Variants in STMND1 observed in about 807,000 individuals in gnomAD.
STMND1 encodes stathmin domain containing 1, also known as stathmin domain-containing protein 1.
STMND1 carries 17 observed loss-of-function variants against 23.0 expected under a neutral mutation model. The observed-to-expected ratio is 0.74, with a 90% CI of 0.51 to 1.11. The LOEUF (loss-of-function observed/expected upper bound fraction) is 1.11, where lower values mean the gene tolerates loss of function less well. Among genes scored for constraint, STMND1 ranks in the 50% least tolerant of loss-of-function variants. The pLI is 0.00. For missense variants in STMND1, 305 were observed against 329.1 expected, an observed-to-expected ratio of 0.93 and a Z score of 0.57; for synonymous variants, 114 against 119.9, an observed-to-expected ratio of 0.95 and a Z score of 0.32.
At chr6:17,115,841 T>C (rs962193852) in intron 2 of STMND1, among the ~76,000 whole-genome samples, 5 of 152,204 alleles carry the variant, frequency 3.3e-5, no homozygotes, top group African/African-American at 4.8e-5. Flanking sequence ...AGGTACAAGT[T>C]GGGATTGGAA....
At chr6:17,114,590 G>T (rs139070283) in intron 1 of STMND1, among the ~76,000 whole-genome samples, 2 of 152,164 alleles carry the variant, frequency 1.3e-5, no homozygotes, top group Non-Finnish European at 2.9e-5. Flanking sequence ...CAAGGAGTAC[G>T]CAACCTAGAT....
intron 1 of STMND1, 62 bp downstream of exon 1, chr6:17,102,400 T>G (rs1760954619): frequency 6.5e-7 from 1 of 1,526,954 alleles, no homozygotes; most frequent in Non-Finnish European, 8.8e-7. Flanking sequence ...CTGGGAGGTC[T>G]CGCGATTCCC....
intron 1 of STMND1, among the ~76,000 whole-genome samples, chr6:17,104,995 A>C (rs540459889): frequency 2.4e-4 from 36 of 152,354 alleles, no homozygotes; most frequent in African/African-American, 8.7e-4. Flanking sequence ...ACTGTACTGA[A>C]CATGTATAGA....
intron 3 of STMND1, among the ~76,000 whole-genome samples, chr6:17,121,958 G>A (rs1040614883): frequency 5.3e-5 from 8 of 151,848 alleles, no homozygotes; most frequent in Non-Finnish European, 1.2e-4. Context: ...TGCCTCCTGG[G>A]TTCAAGCGAT....
chr6:17,102,271 C>T lies in STMND1; in HGVS notation c.14C>T (p.Pro5Leu). The T allele has an allele frequency of 6.5e-7, 1 of 1,535,964 alleles. No individual in the cohort carries two copies. Among genetic ancestry groups the T allele is most frequent in the African/African-American group, 1.4e-5 (1 of 73,148 alleles). The change falls in exon 1 of 5, where the codon CCT (proline) becomes CTT (leucine). Residue 5 changes from proline (P) to leucine (L), a missense_variant. Physicochemically the swap from Pro to Leu is moderately conservative, Grantham distance 98 (BLOSUM62 -3). Coordinates refer to ENST00000536551, the MANE Select transcript of STMND1 (RefSeq NM_001190766.2). ...CGCGCGCGCAGCATGGGCTGTGGAC[C>T]TTCCCAACCTGCTGAAGACCGGAGA... MGCGPSQPAEDRRRV... is the reference protein window; with the variant it reads MGCGLSQPAEDRRRV...
intron 3 of STMND1, among the ~76,000 whole-genome samples, chr6:17,121,575 A>C (rs1452873914): frequency 1.3e-5 from 2 of 152,226 alleles, no homozygotes; most frequent in Non-Finnish European, 2.9e-5. Context: ...AAAACATCAT[A>C]CTGTGCCCTA....
intron 1 of STMND1, among the ~76,000 whole-genome samples, chr6:17,103,292 G>A (rs1451524646): frequency 6.6e-6 from 1 of 152,174 alleles, no homozygotes; most frequent in Non-Finnish European, 1.5e-5. Context: ...GGTCATTTTT[G>A]GAGCTACTGT....
At chr6:17,115,664 G>A (rs1163100550) in intron 2 of STMND1, among the ~76,000 whole-genome samples, 3 of 152,146 alleles carry the variant, frequency 2.0e-5, no homozygotes, top group African/African-American at 4.8e-5. Flanking sequence ...GTTTTCCTAT[G>A]GTGTGTTTTC....
intron 2 of STMND1, among the ~76,000 whole-genome samples, chr6:17,119,344 G>A (rs117304091): frequency 7.1e-4 from 108 of 152,170 alleles, no homozygotes; most frequent in East Asian, 2.3e-3. Context: ...GTGTGTGTGC[G>A]TCTGTGTGTA....
At chr6:17,117,015 G>GGATA (rs1307744808) in intron 2 of STMND1, among the ~76,000 whole-genome samples, 5 of 151,982 alleles carry the variant, frequency 3.3e-5, no homozygotes, top group African/African-American at 1.2e-4. Context: ...CTAAAAACAA[G>GGATA]GATACTCTTT....
chr6:17,107,696 A>G (rs929102269), intron 1 of STMND1, among the ~76,000 whole-genome samples: 1 of 152,194 alleles, frequency 6.6e-6, no homozygotes, highest in Non-Finnish European at 1.5e-5. Context: ...CCCCTGGCTC[A>G]AGAGATCCTT....
chr6:17,129,168 G>A lies in STMND1; in HGVS notation c.468G>A (p.Lys156=). ...CACCTTCCAGACTGAAAAAACTCAA[G>A]ATCAAAAAGCAAGTGAAGGATTTCA... ...RKPPSRLKKL[K]IKKQVKDFTM... The change falls in exon 4 of 5, where the codon AAG becomes AAA. Residue 156 remains lysine (K), a synonymous_variant. Coordinates refer to ENST00000536551, the MANE Select transcript of STMND1 (RefSeq NM_001190766.2). 6.5e-7 allele frequency: 1 copy of A among 1,535,940 alleles called. No individual in the cohort carries two copies. Among genetic ancestry groups the A allele is most frequent in the Non-Finnish European group, 8.7e-7 (1 of 1,146,820 alleles).
intron 2 of STMND1, among the ~76,000 whole-genome samples, chr6:17,119,740 C>T (rs1761205849): frequency 2.0e-5 from 3 of 151,826 alleles, no homozygotes; most frequent in Admixed American, 6.6e-5. Context: ...GGGAAGATGC[C>T]ATCCATTAAA....
intron 2 of STMND1, among the ~76,000 whole-genome samples, chr6:17,119,373 C>A (rs756870130): frequency 3.3e-5 from 5 of 152,022 alleles, no homozygotes; most frequent in Non-Finnish European, 7.4e-5. Context: ...ATCTTCCCAG[C>A]ACAAATTCAT....
chr6:17,108,776 A>C (rs1761059172), intron 1 of STMND1, among the ~76,000 whole-genome samples: 1 of 146,882 alleles, frequency 6.8e-6, no homozygotes. Context: ...GGCTCACTGC[A>C]ACCTCCGCCT....
At chr6:17,127,496 G>T (rs1388252298) in intron 3 of STMND1, among the ~76,000 whole-genome samples, 1 of 152,180 alleles carries the variant, frequency 6.6e-6, no homozygotes, top group Non-Finnish European at 1.5e-5. Context: ...GTTGCAGTGA[G>T]CCAAGATCGT....
intron 2 of STMND1, 46 bp downstream of exon 2, chr6:17,115,185 G>A (rs768142395): frequency 6.1e-6 from 9 of 1,487,120 alleles, no homozygotes; most frequent in Non-Finnish European, 8.0e-6. Flanking sequence ...ACAAAATACT[G>A]TTTCTCTAAA....
Position 17,130,625 on chromosome 6 carries a change from G to T in STMND1, c.575G>T (p.Arg192Leu), listed in dbSNP as rs913947127. The change falls in exon 5 of 5, where the codon CGG becomes CTG. Residue 192 changes from arginine (R) to leucine (L), a missense_variant. Arg to Leu is a moderately radical substitution (Grantham distance 102, BLOSUM62 -2). Transcript: ENST00000536551. ...GAAGAAGAAATAAGAAAAAGGCTAC[G>T]GAGTGACCGACTTTTGCCTTCAGCC... ...TKEEEIRKRL[R>L]SDRLLPSANH... 3.3e-6 allele frequency: 5 copies of T among 1,534,458 alleles called. No homozygotes were observed. Among genetic ancestry groups the T allele is most frequent in the African/African-American group, 1.4e-5 (1 of 72,946 alleles).
chr6:17,122,918 G>T (rs1448940608), intron 3 of STMND1, among the ~76,000 whole-genome samples: 3 of 152,026 alleles, frequency 2.0e-5, no homozygotes, highest in African/African-American at 7.2e-5. Flanking sequence ...TTTTTTTCTA[G>T]CTGTAGGTGA....
Sources: allele counts gnomAD v4.1 joint callset (sites outside exome capture counted in the v4.1 genomes callset), GRCh38; gene constraint gnomAD v4.1.1; transcripts MANE v1.5; gene names NCBI Gene and HGNC (gene_info 2026-07-23, HGNC 2026-07-21).